CFAP299: variants seen among roughly 807,000 people sequenced by gnomAD.
CFAP299 encodes cilia and flagella associated protein 299.
A neutral mutation model predicts 27.0 loss-of-function variants in CFAP299; 21 were observed. The observed-to-expected ratio is 0.78, with a 90% confidence interval of 0.55 to 1.12. The LOEUF (loss-of-function observed/expected upper bound fraction) is 1.12. Among genes scored for constraint, CFAP299 ranks in the 50% most tolerant of loss-of-function variants. The pLI, the probability that CFAP299 is intolerant of heterozygous loss-of-function variation, is 0.00. For synonymous variants in CFAP299, 104 were observed against 98.1 expected (o/e 1.06, Z -0.36); for missense variants, 310 against 276.6 (o/e 1.12, Z -0.86).
intron 3 of CFAP299, among the ~76,000 whole-genome samples, chr4:80,857,911 G>A (rs1460421549): frequency 6.6e-6 from 1 of 152,096 alleles, no homozygotes. Flanking sequence ...TCAGGATGAT[G>A]CTGGCCTCAT....
chr4:80,642,282 T>C lies in CFAP299; in HGVS notation c.333+59099T>C, dbSNP rs1739766418. The stretch of plus-strand genomic sequence containing the variant: ...ATTGGCAACTGATTAAATTTGGATT[T>C]AAGTGTGCTTCTGAATATCCTGGTT... On this transcript the variant is annotated intron_variant, in intron 3 of 5. Coordinates refer to ENST00000358105, the MANE Select transcript of CFAP299 (RefSeq NM_152770.3). Among the ~76,000 whole-genome samples the C allele has an allele frequency of 2.0e-5, 3 of 152,222 alleles. No individual in the cohort carries two copies. The South Asian group carries it at 6.2e-4, about 32-fold the overall frequency.
chr4:80,799,202 T>TA (rs1560416058), intron 3 of CFAP299, among the ~76,000 whole-genome samples: 1 of 101,770 alleles, frequency 9.8e-6, no homozygotes, highest in African/African-American at 4.3e-5. Context: ...TATATAATAT[T>TA]TATATATATA....
At position 80,786,450 on chromosome 4, in the gene CFAP299, C is replaced by T. The variant is rs561004728; in HGVS notation, c.334-83543C>T. ...ATGAAGCTGTAAAGATAAATTGCTA[C>T]GTACGTGCTTCTCCACTTTTCAAAT... On this transcript the variant is annotated intron_variant, in intron 3 of 5. Transcript: ENST00000358105. 1.4e-4 allele frequency among the ~76,000 whole-genome samples: 22 copies of T among 152,222 alleles called. 1 individual carries two copies. Among genetic ancestry groups the T allele is most frequent in the African/African-American group, 5.1e-4 (21 of 41,558 alleles).
At chr4:80,587,208 T>G (rs1736491980) in intron 3 of CFAP299, among the ~76,000 whole-genome samples, 2 of 152,146 alleles carry the variant, frequency 1.3e-5, no homozygotes, top group Admixed American at 1.3e-4. Context: ...TAATAAACCC[T>G]TATGGAAATT....
At chr4:80,390,537 G>GTATA (rs1343656836) in intron 2 of CFAP299, among the ~76,000 whole-genome samples, 6 of 39,508 alleles carry the variant, frequency 1.5e-4, no homozygotes, top group Non-Finnish European at 4.8e-4. Flanking sequence ...ATGTATATAT[G>GTATA]TATACACACA....
intron 3 of CFAP299, among the ~76,000 whole-genome samples, chr4:80,624,491 TG>T (rs1376076297): frequency 1.3e-5 from 2 of 151,746 alleles, no homozygotes; most frequent in African/African-American, 4.8e-5. Context: ...ATGAGATTTA[TG>T]GGGCAGCAAC....
chr4:80,802,970 G>A (rs573028488), intron 3 of CFAP299, among the ~76,000 whole-genome samples: 13 of 151,950 alleles, frequency 8.6e-5, no homozygotes, highest in South Asian at 2.1e-4. Flanking sequence ...TATAAATGAC[G>A]TACTTTCAAA....
intron 5 of CFAP299, among the ~76,000 whole-genome samples, chr4:80,963,128 A>C (rs1464644706): frequency 6.6e-6 from 1 of 152,114 alleles, no homozygotes; most frequent in Non-Finnish European, 1.5e-5. Flanking sequence ...CCCAGACTTG[A>C]GACATTTTAT....
chr4:80,586,178 C>T (rs1332228896), intron 3 of CFAP299, among the ~76,000 whole-genome samples: 1 of 151,884 alleles, frequency 6.6e-6, no homozygotes, highest in East Asian at 1.9e-4. Flanking sequence ...AAAGAGTAAC[C>T]TCATCTTAAT....
At chr4:80,471,167 C>A (rs943057728) in intron 2 of CFAP299, among the ~76,000 whole-genome samples, 1 of 152,088 alleles carries the variant, frequency 6.6e-6, no homozygotes, top group African/African-American at 2.4e-5. Context: ...TGAACCCAGA[C>A]TCTCTGCCTT....
intron 2 of CFAP299, among the ~76,000 whole-genome samples, chr4:80,435,540 A>G (rs1728025736): frequency 6.6e-6 from 1 of 152,208 alleles, no homozygotes; most frequent in South Asian, 2.1e-4. Context: ...TGGGCTGCCA[A>G]ACTTGGACCA....
chr4:80,597,935 C>T (rs1007742095), intron 3 of CFAP299, among the ~76,000 whole-genome samples: 1 of 152,188 alleles, frequency 6.6e-6, no homozygotes, highest in Non-Finnish European at 1.5e-5. Context: ...GACCTGCCTG[C>T]CTCGGCCTCC....
At chr4:80,428,177 CTATT>C (rs1349272692) in intron 2 of CFAP299, among the ~76,000 whole-genome samples, 2 of 152,170 alleles carry the variant, frequency 1.3e-5, no homozygotes, top group Admixed American at 1.3e-4. Flanking sequence ...CTTTTGGTAT[CTATT>C]CTGATGCTAT....
chr4:80,735,375 A>G (rs1271293272), intron 3 of CFAP299, among the ~76,000 whole-genome samples: 2 of 152,134 alleles, frequency 1.3e-5, no homozygotes, highest in African/African-American at 4.8e-5. Context: ...AGATCATATC[A>G]TGAGTAAACA....
chr4:80,451,062 C>G (rs1171508778), intron 2 of CFAP299, among the ~76,000 whole-genome samples: 1 of 152,006 alleles, frequency 6.6e-6, no homozygotes, highest in African/African-American at 2.4e-5. Flanking sequence ...GCTAGGACTG[C>G]CAACAAAATC....
chr4:80,851,222 A>G (rs186435749), intron 3 of CFAP299, among the ~76,000 whole-genome samples: 2 of 152,158 alleles, frequency 1.3e-5, no homozygotes, highest in African/African-American at 2.4e-5. Flanking sequence ...GAGCATCTAT[A>G]TAAAGAGGAT....
chr4:80,810,567 C>T (rs1389252313), intron 3 of CFAP299, among the ~76,000 whole-genome samples: 1 of 151,968 alleles, frequency 6.6e-6, no homozygotes, highest in Non-Finnish European at 1.5e-5. Flanking sequence ...AAGATGAAGG[C>T]AGAGACTGGA....
At chr4:80,760,938 A>T (rs190746486) in intron 3 of CFAP299, among the ~76,000 whole-genome samples, 1 of 152,284 alleles carries the variant, frequency 6.6e-6, no homozygotes, top group East Asian at 1.9e-4. Context: ...GAGAGACAGC[A>T]TGTGTTGGGA....
intron 4 of CFAP299, among the ~76,000 whole-genome samples, chr4:80,874,004 C>T (rs1032020983): frequency 3.3e-5 from 5 of 152,202 alleles, no homozygotes; most frequent in East Asian, 3.9e-4. Flanking sequence ...AAATGTTTAA[C>T]GTTCCAAGCC....
Sources: gnomAD v4.1 joint callset for allele counts (sites outside exome capture counted in the v4.1 genomes callset) on GRCh38, gnomAD v4.1.1 for gene constraint, MANE v1.5 for transcripts, NCBI Gene and HGNC (gene_info 2026-07-23, HGNC 2026-07-21) for gene names.